SPO11: variants seen among roughly 807,000 people sequenced by gnomAD.
SPO11 encodes the protein SPO11 initiator of meiotic double strand breaks.
Under a neutral mutation model 51.6 loss-of-function variants are expected in SPO11, and 49 were observed. The observed-to-expected ratio is 0.95, with a 90% CI of 0.75 to 1.20. SPO11 has a LOEUF of 1.20. Among genes scored for constraint, SPO11 ranks in the 50% most tolerant of loss-of-function variants. The probability of loss-of-function intolerance (pLI) is 0.00; values close to 1 mark genes in which losing one functional copy is unlikely to be tolerated. For synonymous variants in SPO11, 176 were observed against 158.2 expected (o/e 1.11, Z -0.84); for missense variants, 431 against 473.4 (o/e 0.91, Z 0.83).
intron 5 of SPO11, 60 bp downstream of exon 5, chr20:57,334,155 A>T (rs1600679404): frequency 2.9e-5 from 16 of 549,788 alleles, no homozygotes; most frequent in Admixed American, 1.3e-4. Context: ...ATAAAACATA[A>T]TTTTTTTTTT....
intron 12 of SPO11, 107 bp from the exon 13 acceptor site, chr20:57,343,234 T>C (rs6099559): frequency 0.024 from 32,752 of 1,341,214 alleles, 574 homozygotes; most frequent in African/African-American, 0.087. Context: ...CTTAAGACTA[T>C]TGTCCCTGGT....
intron 9 of SPO11, among the ~76,000 whole-genome samples, chr20:57,338,785 T>C (rs183006575): frequency 3.3e-5 from 5 of 152,278 alleles, no homozygotes; most frequent in Admixed American, 3.3e-4. Flanking sequence ...TATGAAACAT[T>C]TTAAAAGAAA....
At chr20:57,340,308 G>A (rs538105857) in intron 11 of SPO11, 130 bp downstream of exon 11, 1 of 561,062 alleles carries the variant, frequency 1.8e-6, no homozygotes, top group East Asian at 2.9e-5. Context: ...GATGACTTAT[G>A]ATTATGTAAT....
At chr20:57,333,076 T>C (rs1199039787) in intron 2 of SPO11, 112 bp from the exon 3 acceptor site, 3 of 723,094 alleles carry the variant, frequency 4.1e-6, no homozygotes, top group Middle Eastern at 3.6e-4. Flanking sequence ...AGTGCTTAAA[T>C]TGAGAAGAAA....
chr20:57,331,841 T>C lies in SPO11; in HGVS notation c.140T>C (p.Val47Ala). Residue 47 changes from valine (V) to alanine (A), a missense_variant, in exon 2 of 13, where the codon GTT becomes GCT. This residue lies in a region of SPO11 where 405 missense variants were observed against 425.9 expected (regional missense o/e 0.95). Coordinates refer to ENST00000371263, the MANE Select transcript of SPO11 (RefSeq NM_012444.3). The stretch of plus-strand genomic sequence containing the variant: ...TCTGTTTATTGTTTCAGTTCTGAGG[T>C]TCTTGCATCTATAGAAAATATTATC... Reference protein sequence around the residue: ...GGSRLASSSEVLASIENIIQD... With the variant: ...GGSRLASSSEALASIENIIQD... 1 of 1,578,854 alleles carries C rather than the reference T, an allele frequency of 6.3e-7. No individual in the cohort carries two copies. Among genetic ancestry groups the C allele is most frequent in the East Asian group, 2.3e-5 (1 of 44,084 alleles).
intron 8 of SPO11, among the ~76,000 whole-genome samples, chr20:57,336,421 G>C (rs1396529083): frequency 6.6e-6 from 1 of 151,974 alleles, no homozygotes; most frequent in Non-Finnish European, 1.5e-5. Flanking sequence ...CAACCACCTG[G>C]TAGCCTCCAG....
rs1568765632 is a variant in SPO11 at position 57,342,796 on chromosome 20, C to G, written c.1027C>G (p.Leu343Val). Residue 343 changes from leucine to valine, a missense_variant, in exon 12 of 13, where the codon CTG (leucine) becomes GTG (valine). Around this residue, in one of 3 missense-constraint regions of SPO11, gnomAD observed 405 missense variants for 425.9 expected, o/e 0.95. Transcript: ENST00000371263. Reference sequence around the variant, plus strand: ...GGACCAAATGAAACTTGACAGTATCCTGAGGAGACCTTATGTTACCTGCCA... The same window carrying G: ...GGACCAAATGAAACTTGACAGTATCGTGAGGAGACCTTATGTTACCTGCCA... ...KRDQMKLDSI[L>V]RRPYVTCQPF... 6.2e-7 allele frequency: 1 copy of G among 1,613,432 alleles called. No homozygotes were observed. Among genetic ancestry groups the G allele is most frequent in the African/African-American group, 1.3e-5 (1 of 74,990 alleles).
In SPO11 at chr20:57,329,909, C is replaced by G. The variant is rs147571833; in HGVS notation, c.42C>G (p.Asp14Glu). 1 of 1,613,862 alleles carries G rather than the reference C, an allele frequency of 6.2e-7. No homozygotes were observed. The highest frequency in any genetic ancestry group is 8.5e-7 in the Non-Finnish European group (1 of 1,179,908). Residue 14 changes from aspartate to glutamate, a missense_variant, in exon 1 of 13, where the codon GAC becomes GAG. Asp to Glu is a conservative substitution (Grantham distance 45). Transcript: ENST00000371263. ...APMGPEASFF[D>E]VLDRHRESLL... Reference sequence around the variant, plus strand: ...TGGGGCCCGAGGCCTCGTTCTTCGACGTTTTGGACCGACACAGGGAGTCCC... The same window carrying G: ...TGGGGCCCGAGGCCTCGTTCTTCGAGGTTTTGGACCGACACAGGGAGTCCC...
chr20:57,339,651 T>C (rs2066556174), intron 10 of SPO11, among the ~76,000 whole-genome samples: 1 of 152,240 alleles, frequency 6.6e-6, no homozygotes, highest in Non-Finnish European at 1.5e-5. Flanking sequence ...TGGGGAATCA[T>C]GAACAATAAG....
At position 57,342,192 on chromosome 20, in the gene SPO11, AGT is replaced by A. The variant is rs57588313; in HGVS notation, c.960-520_960-519del. 1.6e-3 allele frequency among the ~76,000 whole-genome samples: 244 copies of A among 151,552 alleles called. 1 individual carries two copies. The highest frequency in any genetic ancestry group is 9.0e-3 in the South Asian group (43 of 4,788). Reference sequence around the variant, plus strand: ...GTTTGTGTGTGTGTAAAGTGATAAAAGTGTGTGTGTGTGTGTGTAAAATGATA... The same window carrying A: ...GTTTGTGTGTGTGTAAAGTGATAAAAGTGTGTGTGTGTGTGTAAAATGATA... On this transcript the variant is annotated intron_variant, in intron 11 of 12. Transcript: ENST00000371263.
At position 57,335,934 on chromosome 20, in the gene SPO11, C is replaced by T. The variant is rs762470206; in HGVS notation, c.744+27C>T. On this transcript the variant is annotated intron_variant, in intron 8 of 12. Coordinates refer to ENST00000371263, the MANE Select transcript of SPO11 (RefSeq NM_012444.3). Reference sequence around the variant, plus strand: ...TATATTATCTAACTTTACTACAATTCCAAGACTAATGTATACTGTTATGGT... The same window carrying T: ...TATATTATCTAACTTTACTACAATTTCAAGACTAATGTATACTGTTATGGT... The T allele has an allele frequency of 8.5e-6, 11 of 1,301,274 alleles. No individual in the cohort carries two copies. The South Asian group carries it at 1.3e-4, about 16-fold the overall frequency. The allele number at this position is 1,301,274 out of a possible 1,614,324, so 80.6% of individuals were successfully genotyped here.
chr20:57,334,119 A>G (rs757817919), intron 5 of SPO11, 24 bp downstream of exon 5: 2 of 1,165,192 alleles, frequency 1.7e-6, no homozygotes, highest in African/African-American at 1.6e-5. Flanking sequence ...AATACAAAAC[A>G]TTTTATTTTA....
chr20:57,340,698 C>T (rs28368095), intron 11 of SPO11, among the ~76,000 whole-genome samples: 5,804 of 151,812 alleles, frequency 0.038, 152 homozygotes, highest in African/African-American at 0.083. Flanking sequence ...ACCTGGGAGA[C>T]GGCAGTTGCA....
chr20:57,341,329 C>T (rs1183246201), intron 11 of SPO11, among the ~76,000 whole-genome samples: 1 of 152,176 alleles, frequency 6.6e-6, no homozygotes, highest in African/African-American at 2.4e-5. Context: ...CCCAGAAGAA[C>T]TGGTGGGTCA....
intron 11 of SPO11, among the ~76,000 whole-genome samples, chr20:57,342,011 T>C (rs1183601302): frequency 1.3e-5 from 2 of 152,202 alleles, no homozygotes; most frequent in African/African-American, 2.4e-5. Flanking sequence ...TATGGACACA[T>C]TGAAAAAGAC....
In SPO11 at chr20:57,334,069, A is replaced by G. The variant is rs527296870; in HGVS notation, c.484A>G (p.Lys162Glu). Reference sequence around the variant, plus strand: ...TATCAATGACATTTCTTGCATGTTAAAAGTGTCAAGGAGGAGTCTACATAT... The same window carrying G: ...TATCAATGACATTTCTTGCATGTTAGAAGTGTCAAGGAGGAGTCTACATAT... ...NIINDISCML[K>E]VSRRSLHILS... Residue 162 changes from lysine (K) to glutamate (E), a missense_variant, in exon 5 of 13, where the codon AAA becomes GAA. Physicochemically the swap from Lys to Glu is moderately conservative, Grantham distance 56. Around this residue, in one of 3 missense-constraint regions of SPO11, gnomAD observed 405 missense variants for 425.9 expected, o/e 0.95. Transcript: ENST00000371263. 11 of 1,584,948 alleles carry G rather than the reference A, an allele frequency of 6.9e-6. No individual in the cohort carries two copies. The Admixed American group carries it at 1.9e-4, about 27-fold the overall frequency.
chr20:57,339,928 A>G (rs1206873966), intron 10 of SPO11, among the ~76,000 whole-genome samples, 174 bp from the exon 11 acceptor site: 3 of 152,200 alleles, frequency 2.0e-5, no homozygotes, highest in East Asian at 3.9e-4. Context: ...CACCTTCACT[A>G]AAAGCCCAGC....
chr20:57,330,008 C>G lies in SPO11; in HGVS notation c.131+10C>G, dbSNP rs1000232361. 4 of 1,582,662 alleles carry G rather than the reference C, an allele frequency of 2.5e-6. No individual in the cohort carries two copies. Among genetic ancestry groups the G allele is most frequent in the Non-Finnish European group, 3.4e-6 (4 of 1,166,946 alleles). Reference sequence around the variant, plus strand: ...GCCGCCTGGCCTCCAGGTACAGGAGCTGGTGCCGAGGCGCGACGCAGCCAC... The same window carrying G: ...GCCGCCTGGCCTCCAGGTACAGGAGGTGGTGCCGAGGCGCGACGCAGCCAC... On this transcript the variant is annotated intron_variant, in intron 1 of 12. Coordinates refer to ENST00000371263, the MANE Select transcript of SPO11 (RefSeq NM_012444.3).
intron 1 of SPO11, among the ~76,000 whole-genome samples, chr20:57,330,373 G>A (rs1178858116): frequency 2.0e-5 from 3 of 152,114 alleles, no homozygotes; most frequent in East Asian, 1.9e-4. Flanking sequence ...AAACTTTAAG[G>A]GTTTTTTTTG....
Sources: gnomAD v4.1 joint callset for allele counts (sites outside exome capture counted in the v4.1 genomes callset) on GRCh38, gnomAD v4.1.1 for gene constraint, gnomAD v4.1.1 regional missense constraint, MANE v1.5 for transcripts, NCBI Gene and HGNC (gene_info 2026-07-23, HGNC 2026-07-21) for gene names.